The following HIPK3 variants were observed in gnomAD, a reference collection of about 807,000 sequenced individuals.
The protein encoded by HIPK3 is homeodomain interacting protein kinase 3, also known as homeodomain-interacting protein kinase 3.
Under a neutral mutation model 124.2 loss-of-function variants are expected in HIPK3, and 47 were observed. The observed-to-expected ratio is 0.38, with a 90% CI of 0.30 to 0.48. HIPK3 has a LOEUF of 0.48. Ranked by LOEUF, HIPK3 falls within the 20% of genes least tolerant of loss-of-function variation. The pLI, the probability that HIPK3 is intolerant of heterozygous loss-of-function variation, is 0.98. For synonymous variants in HIPK3, 482 were observed against 515.2 expected (o/e 0.94, Z 0.87); for missense variants, 1,286 against 1,454.3 (o/e 0.88, Z 1.88).
chr11:33,308,019 A>C (rs770808763), intron 2 of HIPK3, among the ~76,000 whole-genome samples: 11 of 151,780 alleles, frequency 7.2e-5, no homozygotes, highest in Non-Finnish European at 1.5e-4. Flanking sequence ...TAACTGTGAT[A>C]TTTTCCTGTT....
At chr11:33,305,027 G>A (rs1242799230) in intron 2 of HIPK3, among the ~76,000 whole-genome samples, 5 of 152,192 alleles carry the variant, frequency 3.3e-5, no homozygotes, top group Admixed American at 1.3e-4. Context: ...TTGAGACAGA[G>A]TCTTGCTCTG....
intron 2 of HIPK3, among the ~76,000 whole-genome samples, chr11:33,303,176 T>G (rs571250655): frequency 2.0e-5 from 3 of 152,202 alleles, no homozygotes; most frequent in Admixed American, 6.5e-5. Context: ...CTCAAGTCCC[T>G]TATATAAAAT....
chr11:33,325,853 T>C (rs1852796984), intron 2 of HIPK3, among the ~76,000 whole-genome samples: 1 of 152,250 alleles, frequency 6.6e-6, no homozygotes, highest in African/African-American at 2.4e-5. Flanking sequence ...CAACACGTTT[T>C]AGCATTTGAT....
chr11:33,291,453 G>A (rs952243698), intron 2 of HIPK3, among the ~76,000 whole-genome samples: 3 of 152,210 alleles, frequency 2.0e-5, no homozygotes, highest in South Asian at 4.1e-4. Flanking sequence ...CAACACAGAA[G>A]TGTAGTAGGG....
At chr11:33,308,820 TGATCTGTATATTTC>T in intron 2 of HIPK3, among the ~76,000 whole-genome samples, 1 of 151,550 alleles carries the variant, frequency 6.6e-6, no homozygotes, top group South Asian at 2.1e-4. Context: ...ACTTTAAAAA[TGATCTGTATATTTC>T]TGATGTTTTC....
chr11:33,265,257 A>G (rs1042598672), intron 1 of HIPK3, among the ~76,000 whole-genome samples: 3 of 152,230 alleles, frequency 2.0e-5, no homozygotes, highest in Admixed American at 1.3e-4. Context: ...CCAACTTCTA[A>G]TAAGACATTT....
intron 8 of HIPK3, among the ~76,000 whole-genome samples, chr11:33,344,408 G>GT (rs375690605): frequency 1.2e-3 from 184 of 151,976 alleles, no homozygotes; most frequent in African/African-American, 4.3e-3. Context: ...AGAATAGCAG[G>GT]TTTTTTTTCA....
At chr11:33,317,700 A>G (rs1359648983) in intron 2 of HIPK3, among the ~76,000 whole-genome samples, 4 of 152,070 alleles carry the variant, frequency 2.6e-5, no homozygotes, top group Non-Finnish European at 5.9e-5. Context: ...GTATCCTTCT[A>G]TTTGCTGTGC....
At chr11:33,298,322 A>G (rs990289146) in intron 2 of HIPK3, among the ~76,000 whole-genome samples, 6 of 152,214 alleles carry the variant, frequency 3.9e-5, no homozygotes, top group Non-Finnish European at 7.3e-5. Flanking sequence ...GCTCAGAGAA[A>G]AATATTTCAA....
chr11:33,310,362 G>A (rs1021676165), intron 2 of HIPK3, among the ~76,000 whole-genome samples: 3 of 150,462 alleles, frequency 2.0e-5, no homozygotes, highest in South Asian at 4.2e-4. Context: ...CTGGCGTACA[G>A]TGGCACCATC....
chr11:33,353,007 G>T (rs962720293), intron 16 of HIPK3, 85 bp from the exon 17 acceptor site: 5 of 783,958 alleles, frequency 6.4e-6, no homozygotes, highest in South Asian at 1.8e-5. Flanking sequence ...AATCACAAAG[G>T]GTATATTGTA....
Position 33,341,105 on chromosome 11 carries a change from A to C in HIPK3, c.1751A>C (p.Lys584Thr). Residue 584 changes from lysine to threonine, a missense_variant, in exon 7 of 17, where the codon AAA becomes ACA. Around this residue, in one of 3 missense-constraint regions of HIPK3, gnomAD observed 810 missense variants for 864.9 expected, o/e 0.94. Transcript: ENST00000303296. ...STATLTANFTKIGTLRSQALT... is the reference protein window; with the variant it reads ...STATLTANFTTIGTLRSQALT... ...GCTACACTGACTGCAAATTTTACTA[A>C]AATCGGAACATTAAGAAGTCAGGTA... 3 of 1,595,394 alleles carry C rather than the reference A, an allele frequency of 1.9e-6. No homozygotes were observed. The highest frequency in any genetic ancestry group is 1.7e-6 in the Non-Finnish European group (2 of 1,174,122).
intron 8 of HIPK3, among the ~76,000 whole-genome samples, chr11:33,343,199 G>A (rs1387160986): frequency 2.0e-5 from 3 of 150,132 alleles, no homozygotes; most frequent in African/African-American, 7.4e-5. Context: ...ATAATATATT[G>A]GCCATTTCTA....
chr11:33,323,927 T>A (rs1030503394), intron 2 of HIPK3, among the ~76,000 whole-genome samples: 1 of 152,240 alleles, frequency 6.6e-6, no homozygotes, highest in African/African-American at 2.4e-5. Flanking sequence ...TCAACTGGCA[T>A]GTTTAATTTG....
At chr11:33,311,840 A>C (rs1307586450) in intron 2 of HIPK3, among the ~76,000 whole-genome samples, 4 of 142,224 alleles carry the variant, frequency 2.8e-5, no homozygotes, top group Admixed American at 1.4e-4. Flanking sequence ...CTGTTTCTAC[A>C]CACACACACA....
chr11:33,354,196 A>T lies in HIPK3; in HGVS notation c.*628A>T, dbSNP rs1853753953. 6.6e-6 allele frequency: 1 copy of T among 152,650 alleles called. No homozygotes were observed. The highest frequency in any genetic ancestry group is 1.5e-5 in the Non-Finnish European group (1 of 68,052). The allele number at this position is 152,650 out of a possible 1,614,324, so 9.5% of individuals were successfully genotyped here. A position where few individuals can be genotyped will look rare whatever the true frequency, so the allele number is the denominator to read the frequency against. On this transcript the variant is annotated 3_prime_UTR_variant, in exon 17 of 17. Transcript: ENST00000303296. ...ACTGCAGCACTTAAAATTCAGACCT[A>T]CTATTTAGTTTCCTTTTGATAGCGT...
At chr11:33,317,446 T>A (rs989531794) in intron 2 of HIPK3, among the ~76,000 whole-genome samples, 1 of 151,910 alleles carries the variant, frequency 6.6e-6, no homozygotes, top group African/African-American at 2.4e-5. Context: ...AAAAATTGTT[T>A]TGTAGAGACG....
At chr11:33,353,023 C>A in intron 16 of HIPK3, 69 bp from the exon 17 acceptor site, 1 of 942,768 alleles carries the variant, frequency 1.1e-6, no homozygotes, top group South Asian at 1.6e-5. Context: ...TTGTAATTTC[C>A]CTTTCTTTCT....
intron 1 of HIPK3, among the ~76,000 whole-genome samples, chr11:33,277,233 A>T (rs1851296857): frequency 6.6e-6 from 1 of 152,082 alleles, no homozygotes; most frequent in Non-Finnish European, 1.5e-5. Flanking sequence ...GCATGTTTTT[A>T]TACCTTTACC....
Sources: gnomAD v4.1 joint callset for allele counts (sites outside exome capture counted in the v4.1 genomes callset) on GRCh38, gnomAD v4.1.1 for gene constraint, gnomAD v4.1.1 regional missense constraint, MANE v1.5 for transcripts, NCBI Gene and HGNC (gene_info 2026-07-23, HGNC 2026-07-21) for gene names.